PTPRG: variants seen among roughly 807,000 people sequenced by gnomAD.
PTPRG encodes the protein receptor-type tyrosine-protein phosphatase gamma.
A neutral mutation model predicts 165.3 loss-of-function variants in PTPRG; 102 were observed. That is an observed-to-expected ratio of 0.62 (90% confidence interval 0.53 to 0.73). The LOEUF (loss-of-function observed/expected upper bound fraction) is 0.73, where lower values mean the gene tolerates loss of function less well. PTPRG is among the 30% of genes least tolerant of loss of function. PTPRG has a pLI of 0.00. For missense variants in PTPRG, 1,866 were observed against 1,861.4 expected, an observed-to-expected ratio of 1.00 and a Z score of -0.05; for synonymous variants, 675 against 669.5, an observed-to-expected ratio of 1.01 and a Z score of -0.13.
chr3:62,111,444 A>G (rs1702663318), intron 5 of PTPRG, among the ~76,000 whole-genome samples: 1 of 152,156 alleles, frequency 6.6e-6, no homozygotes, highest in Non-Finnish European at 1.5e-5. Context: ...AGTAAAAAGA[A>G]TCTGTCATTT....
intron 2 of PTPRG, among the ~76,000 whole-genome samples, chr3:61,820,813 T>C (rs1255078606): frequency 6.6e-6 from 1 of 152,020 alleles, no homozygotes; most frequent in Admixed American, 6.5e-5. Context: ...GTGACCGCAG[T>C]GAGAAATTGT....
chr3:62,014,002 T>C (rs761745646), intron 4 of PTPRG, among the ~76,000 whole-genome samples: 9 of 152,156 alleles, frequency 5.9e-5, no homozygotes, highest in Non-Finnish European at 1.3e-4. Context: ...TTTATGGGCC[T>C]GTGTATCAGC....
intron 2 of PTPRG, among the ~76,000 whole-genome samples, chr3:61,789,060 A>G (rs1205365827): frequency 6.6e-6 from 1 of 152,056 alleles, no homozygotes; most frequent in Non-Finnish European, 1.5e-5. Context: ...GAGCGCTGGT[A>G]TGTCTAGTTT....
chr3:62,141,625 C>T (rs751625314), intron 6 of PTPRG, among the ~76,000 whole-genome samples: 22 of 151,418 alleles, frequency 1.5e-4, no homozygotes, highest in African/African-American at 4.9e-4. Context: ...TGTGGCTGGC[C>T]GCAGTGGCTC....
chr3:61,963,389 A>G (rs1194266579), intron 2 of PTPRG, among the ~76,000 whole-genome samples: 2 of 152,152 alleles, frequency 1.3e-5, no homozygotes, highest in African/African-American at 4.8e-5. Context: ...AAAGATATAT[A>G]TGGCATCTAG....
At chr3:61,678,439 G>A (rs1193223661) in intron 1 of PTPRG, among the ~76,000 whole-genome samples, 2 of 152,166 alleles carry the variant, frequency 1.3e-5, no homozygotes, top group African/African-American at 4.8e-5. Context: ...AGAATTCGGA[G>A]GAGTCGGGTG....
chr3:61,920,392 G>C (rs905271381), intron 2 of PTPRG, among the ~76,000 whole-genome samples: 5 of 151,988 alleles, frequency 3.3e-5, no homozygotes, highest in African/African-American at 4.8e-5. Context: ...TTTTTTTTAA[G>C]ACTTTTTTTA....
At chr3:61,635,614 T>C (rs1342382147) in intron 1 of PTPRG, among the ~76,000 whole-genome samples, 3 of 152,060 alleles carry the variant, frequency 2.0e-5, no homozygotes, top group Non-Finnish European at 4.4e-5. Context: ...CCCAAAGTGC[T>C]GGGATTACAC....
chr3:61,731,349 CTTTTTTTT>C, intron 1 of PTPRG, among the ~76,000 whole-genome samples: 1 of 132,186 alleles, frequency 7.6e-6, no homozygotes, highest in East Asian at 2.2e-4. Flanking sequence ...TTCCTTTTTC[CTTTTTTTT>C]TTTTTTTTTT....
intron 2 of PTPRG, among the ~76,000 whole-genome samples, chr3:61,846,121 A>G (rs1191586841): frequency 1.3e-5 from 2 of 152,218 alleles, no homozygotes; most frequent in Non-Finnish European, 2.9e-5. Flanking sequence ...ATTAAAGAAG[A>G]TCTGCCTAAA....
At chr3:61,617,404 G>C (rs1176194041) in intron 1 of PTPRG, among the ~76,000 whole-genome samples, 1 of 152,124 alleles carries the variant, frequency 6.6e-6, no homozygotes, top group African/African-American at 2.4e-5. Flanking sequence ...GGTTGCTCAG[G>C]GTGTACAGGC....
chr3:62,158,125 G>T (rs1387973587), intron 7 of PTPRG, among the ~76,000 whole-genome samples: 1 of 152,128 alleles, frequency 6.6e-6, no homozygotes, highest in African/African-American at 2.4e-5. Context: ...GTTAACTGTG[G>T]GTAGGAACTG....
At chr3:62,100,564 C>T (rs533334947) in intron 5 of PTPRG, among the ~76,000 whole-genome samples, 1 of 151,996 alleles carries the variant, frequency 6.6e-6, no homozygotes, top group South Asian at 2.1e-4. Flanking sequence ...CCAGATTTGC[C>T]TGGATGTTTT....
rs554691643 is a variant in PTPRG at position 62,009,709 on chromosome 3, G to C, written c.519+6212G>C. On this transcript the variant is annotated intron_variant, in intron 4 of 29. Transcript: ENST00000474889. ...CGTCCAGTTGTGTCACACACATAAA[G>C]GCCTTGCACAGTGCCACCCTCTCCA... 1.6e-3 allele frequency among the ~76,000 whole-genome samples: 242 copies of C among 152,214 alleles called. 1 individual carries two copies. Among genetic ancestry groups the C allele is most frequent in the African/African-American group, 5.6e-3 (232 of 41,524 alleles).
intron 5 of PTPRG, among the ~76,000 whole-genome samples, chr3:62,091,256 T>C (rs1229568557): frequency 6.6e-6 from 1 of 152,210 alleles, no homozygotes; most frequent in Admixed American, 6.5e-5. Flanking sequence ...CAGTTGGCTG[T>C]GAGACAAAGT....
intron 4 of PTPRG, among the ~76,000 whole-genome samples, chr3:62,008,371 A>G (rs572202763): frequency 4.4e-4 from 67 of 152,328 alleles, no homozygotes; most frequent in Middle Eastern, 6.8e-3. Flanking sequence ...CTGGTGCTTT[A>G]TGAGTTGAAG....
At chr3:62,076,755 A>ATT (rs60323847) in intron 4 of PTPRG, among the ~76,000 whole-genome samples, 2 of 151,186 alleles carry the variant, frequency 1.3e-5, no homozygotes, top group African/African-American at 4.9e-5. Flanking sequence ...CTAATTTTGT[A>ATT]TTTTTTGTAG....
chr3:62,276,253 C>G (rs1702230432), intron 24 of PTPRG, among the ~76,000 whole-genome samples: 3 of 152,106 alleles, frequency 2.0e-5, no homozygotes, highest in Admixed American at 2.0e-4. Flanking sequence ...CTCCATCTAT[C>G]TGACGTAGAA....
intron 1 of PTPRG, among the ~76,000 whole-genome samples, chr3:61,706,723 C>T (rs1230990214): frequency 1.3e-5 from 2 of 152,044 alleles, no homozygotes. Context: ...CTCCTGACCT[C>T]AGGTGATCCA....
Sources: allele counts gnomAD v4.1 joint callset (sites outside exome capture counted in the v4.1 genomes callset), GRCh38; gene constraint gnomAD v4.1.1; transcripts MANE v1.5; gene names NCBI Gene and HGNC (gene_info 2026-07-23, HGNC 2026-07-21).